DAB1: variants seen among roughly 807,000 people sequenced by gnomAD.
DAB1 encodes disabled homolog 1.
A neutral mutation model predicts 64.6 loss-of-function variants in DAB1; 15 were observed. The observed-to-expected ratio is 0.23, with a 90% CI of 0.16 to 0.36. The LOEUF is 0.36. Ranked by LOEUF, DAB1 falls within the 10% of genes least tolerant of loss-of-function variation. The pLI is 1.00. For missense variants in DAB1, 596 were observed against 706.7 expected, an observed-to-expected ratio of 0.84 and a Z score of 1.78; for synonymous variants, 235 against 251.9, an observed-to-expected ratio of 0.93 and a Z score of 0.64.
At position 57,452,166 on chromosome 1, in the gene DAB1, C is replaced by CCCT. The variant is rs367685387; in HGVS notation, n.626-161001_626-161000insAGG. On this transcript the variant is annotated intron_variant and non_coding_transcript_variant, in intron 7 of 20. Coordinates refer to the DAB1 transcript ENST00000485760. Reference sequence around the variant, plus strand: ...GATTTAGTCTCTCTCTGCACCCCCCCTTTTTTTTTTTTTTTTTTTTTGACA... The same window carrying CCCT: ...GATTTAGTCTCTCTCTGCACCCCCCCCCTTTTTTTTTTTTTTTTTTTTTTGACA... Among the ~76,000 whole-genome samples, 434 of 75,048 alleles carry CCCT rather than the reference C, an allele frequency of 5.8e-3. 2 individuals carry two copies. The highest frequency in any genetic ancestry group is 9.8e-3 in the Middle Eastern group (1 of 102). The allele number at this position is 75,048 out of a possible 152,430, so 49.2% of individuals were successfully genotyped here.
chr1:57,641,048 CAA>C (rs1181490937), intron 7 of DAB1, among the ~76,000 whole-genome samples: 2 of 152,144 alleles, frequency 1.3e-5, no homozygotes, highest in East Asian at 3.9e-4. Context: ...TGACTGCATT[CAA>C]ACTCACTCCT....
chr1:57,997,200 T>C (rs1646438926), intron 5 of DAB1, among the ~76,000 whole-genome samples: 1 of 152,154 alleles, frequency 6.6e-6, no homozygotes, highest in African/African-American at 2.4e-5. Flanking sequence ...TTAACTAGTA[T>C]ATGATCTTTC....
intron 3 of DAB1, among the ~76,000 whole-genome samples, chr1:58,370,548 T>G (rs1032619698): frequency 6.6e-6 from 1 of 152,168 alleles, no homozygotes; most frequent in East Asian, 1.9e-4. Flanking sequence ...CGTTATCTGT[T>G]GTGGTTTTGC....
chr1:57,433,044 CTT>C (rs1244272900), intron 7 of DAB1, among the ~76,000 whole-genome samples: 1 of 152,110 alleles, frequency 6.6e-6, no homozygotes, highest in Non-Finnish European at 1.5e-5. Flanking sequence ...ATTTACAAAA[CTT>C]TGATGAAAAC....
chr1:57,713,440 G>A (rs1647049367), intron 6 of DAB1, among the ~76,000 whole-genome samples: 1 of 152,172 alleles, frequency 6.6e-6, no homozygotes, highest in African/African-American at 2.4e-5. Context: ...TTAACTCTGT[G>A]CAGCTTGGTT....
chr1:57,459,871 G>T (rs995997129), intron 7 of DAB1, among the ~76,000 whole-genome samples: 1 of 152,174 alleles, frequency 6.6e-6, no homozygotes, highest in Non-Finnish European at 1.5e-5. Flanking sequence ...AAGGGAAGTG[G>T]AATTTGTTTC....
At chr1:57,041,650 G>A (rs1292311215) in intron 9 of DAB1, among the ~76,000 whole-genome samples, 1 of 152,158 alleles carries the variant, frequency 6.6e-6, no homozygotes, top group East Asian at 1.9e-4. Flanking sequence ...TAAGATTCAA[G>A]GTAACAGTTG....
intron 6 of DAB1, among the ~76,000 whole-genome samples, chr1:57,755,787 A>G (rs1648776137): frequency 6.6e-6 from 1 of 152,146 alleles, no homozygotes; most frequent in Non-Finnish European, 1.5e-5. Context: ...TGTGTCTTCC[A>G]TCATCATGCT....
At chr1:57,459,790 C>G (rs527474993) in intron 7 of DAB1, among the ~76,000 whole-genome samples, 1 of 152,218 alleles carries the variant, frequency 6.6e-6, no homozygotes, top group Non-Finnish European at 1.5e-5. Flanking sequence ...CACATATCCT[C>G]TCTCCTCTTT....
At chr1:57,017,161 C>T (rs1646461886) in intron 11 of DAB1, among the ~76,000 whole-genome samples, 1 of 152,112 alleles carries the variant, frequency 6.6e-6, no homozygotes, top group Admixed American at 6.5e-5. Flanking sequence ...CAGGGGTCCC[C>T]ACCCTTCTCA....
At chr1:57,137,333 G>T (rs79160818) in intron 3 of DAB1, among the ~76,000 whole-genome samples, 3,218 of 152,248 alleles carry the variant, frequency 0.021, 111 homozygotes, top group East Asian at 0.17. Context: ...TTCACAAAAG[G>T]TTGGGGTGTT....
At chr1:57,258,623 C>G (rs1438266630) in intron 2 of DAB1, among the ~76,000 whole-genome samples, 1 of 152,168 alleles carries the variant, frequency 6.6e-6, no homozygotes, top group Non-Finnish European at 1.5e-5. Context: ...TGTAATTATT[C>G]TACATTTTTG....
At chr1:58,025,116 C>T (rs1646870428) in intron 5 of DAB1, among the ~76,000 whole-genome samples, 1 of 151,910 alleles carries the variant, frequency 6.6e-6, no homozygotes. Context: ...CTTTCACACA[C>T]TCACACACAC....
At chr1:57,179,780 G>A (rs1270487274) in intron 2 of DAB1, among the ~76,000 whole-genome samples, 1 of 152,124 alleles carries the variant, frequency 6.6e-6, no homozygotes, top group Non-Finnish European at 1.5e-5. Context: ...ATTAGCTATT[G>A]AATTGAAATT....
At chr1:57,356,809 T>G (rs1275780121) in intron 1 of DAB1, among the ~76,000 whole-genome samples, 1 of 152,028 alleles carries the variant, frequency 6.6e-6, no homozygotes, top group Non-Finnish European at 1.5e-5. Flanking sequence ...CTTATAATAC[T>G]GCTTGGAAAT....
At chr1:57,557,122 T>C (rs1644998215) in intron 7 of DAB1, among the ~76,000 whole-genome samples, 1 of 152,156 alleles carries the variant, frequency 6.6e-6, no homozygotes, top group Admixed American at 6.5e-5. Context: ...GAGATTAACA[T>C]TTGAGTCAGT....
intron 3 of DAB1, among the ~76,000 whole-genome samples, chr1:58,493,187 G>T (rs1435277801): frequency 1.3e-5 from 2 of 152,030 alleles, no homozygotes; most frequent in African/African-American, 4.8e-5. Flanking sequence ...CTCAATAGAT[G>T]CAGAAAAGGC....
intron 4 of DAB1, among the ~76,000 whole-genome samples, chr1:58,229,281 T>C (rs1164118088): frequency 6.6e-6 from 1 of 152,188 alleles, no homozygotes; most frequent in African/African-American, 2.4e-5. Context: ...AAAGTTAAAA[T>C]TGTTACCATT....
chr1:57,144,650 C>T (rs1033877330), intron 3 of DAB1, among the ~76,000 whole-genome samples: 6 of 150,394 alleles, frequency 4.0e-5, no homozygotes, highest in South Asian at 4.2e-4. Flanking sequence ...GCCGAGATTG[C>T]GCCACTGCAC....
Sources: gnomAD v4.1 joint callset for allele counts (sites outside exome capture counted in the v4.1 genomes callset) on GRCh38, gnomAD v4.1.1 for gene constraint, MANE v1.5 for transcripts, NCBI Gene and HGNC (gene_info 2026-07-23, HGNC 2026-07-21) for gene names.